TENM2: variants seen among roughly 807,000 people sequenced by gnomAD.
TENM2 encodes the protein teneurin transmembrane protein 2.
A neutral mutation model predicts 245.2 loss-of-function variants in TENM2; 52 were observed. The ratio of observed to expected loss-of-function variants is 0.21; its 90% CI spans 0.17 to 0.27. The LOEUF is 0.27. Among genes scored for constraint, TENM2 ranks in the 10% least tolerant of loss-of-function variants. The pLI, the probability that TENM2 is intolerant of heterozygous loss-of-function variation, is 1.00. For synonymous variants in TENM2, 1,363 were observed against 1,438.9 expected (o/e 0.95, Z 1.19); for missense variants, 3,046 against 3,666.8 (o/e 0.83, Z 4.37).
intron 2 of TENM2, among the ~76,000 whole-genome samples, chr5:167,839,284 C>G (rs187847978): frequency 6.6e-6 from 1 of 152,240 alleles, no homozygotes; most frequent in East Asian, 1.9e-4. Context: ...AATCTTTGCC[C>G]CGAAGGCAAC....
At position 167,891,194 on chromosome 5, in the gene TENM2, C is replaced by T. The variant is rs75135287; in HGVS notation, c.712+14999C>T. 9.8e-3 allele frequency among the ~76,000 whole-genome samples: 1,492 copies of T among 152,304 alleles called. 18 individuals are homozygous for T. The highest frequency in any genetic ancestry group is 0.07 in the East Asian group (360 of 5,176). On this transcript the variant is annotated intron_variant, in intron 3 of 28. Coordinates refer to ENST00000518659, the Ensembl canonical transcript of TENM2. ...GATAGGTACCTCTAACCTCTACTCTCAATGATGTATTTGTTTACCAAGTAC... is the reference window on the plus strand; with the variant it reads ...GATAGGTACCTCTAACCTCTACTCTTAATGATGTATTTGTTTACCAAGTAC...
At chr5:168,035,049 A>G (rs1229866024) in intron 5 of TENM2, among the ~76,000 whole-genome samples, 1 of 152,218 alleles carries the variant, frequency 6.6e-6, no homozygotes, top group Non-Finnish European at 1.5e-5. Flanking sequence ...GTTAACTATA[A>G]AATACAAACC....
intron 3 of TENM2, among the ~76,000 whole-genome samples, chr5:167,897,291 C>CTTT (rs35104265): frequency 6.7e-6 from 1 of 148,992 alleles, no homozygotes; most frequent in Non-Finnish European, 1.5e-5. Context: ...GAACTGGTAC[C>CTTT]TTTTTTTTTT....
intron 2 of TENM2, among the ~76,000 whole-genome samples, chr5:167,431,934 TATATAC>T (rs1265673459): frequency 1.0e-5 from 1 of 95,522 alleles, no homozygotes; most frequent in Non-Finnish European, 2.2e-5. Context: ...TATACATATA[TATATAC>T]ATATATATGT....
intron 2 of TENM2, among the ~76,000 whole-genome samples, chr5:167,549,058 T>G (rs2127618169): frequency 6.6e-6 from 1 of 152,312 alleles, no homozygotes; most frequent in South Asian, 2.1e-4. Flanking sequence ...CTCTTCCTTC[T>G]TTCTAGAAGT....
chr5:167,411,573 AGTGT>A (rs60856762), intron 2 of TENM2, among the ~76,000 whole-genome samples: 6,231 of 145,076 alleles, frequency 0.043, 254 homozygotes, highest in African/African-American at 0.11. Flanking sequence ...TGTAGGTGAG[AGTGT>A]GTGTGTGTGT....
In TENM2 at chr5:167,437,035, C is replaced by T. The variant is rs552818913; in HGVS notation, c.502+61562C>T. ...CCTCACAGAGTCCCTACTGGGGCACCGCCTAGTGCAGCTGTGAGAAGAGGG... is the reference window on the plus strand; with the variant it reads ...CCTCACAGAGTCCCTACTGGGGCACTGCCTAGTGCAGCTGTGAGAAGAGGG... On this transcript the variant is annotated intron_variant, in intron 2 of 28. Coordinates refer to ENST00000518659, the Ensembl canonical transcript of TENM2. 1.4e-4 allele frequency among the ~76,000 whole-genome samples: 22 copies of T among 152,256 alleles called. No homozygotes were observed. In the South Asian group the frequency reaches 3.5e-3, roughly 24 times the overall value.
chr5:167,929,111 A>AAG (rs1370083247), intron 3 of TENM2, among the ~76,000 whole-genome samples: 1 of 142,396 alleles, frequency 7.0e-6, no homozygotes, highest in African/African-American at 2.7e-5. Flanking sequence ...GAAAGAAAGA[A>AAG]AGAAAGAAAG....
intron 2 of TENM2, among the ~76,000 whole-genome samples, chr5:167,554,685 A>G (rs918564194): frequency 2.0e-5 from 3 of 152,200 alleles, no homozygotes; most frequent in Non-Finnish European, 4.4e-5. Context: ...TAAGTTGGCC[A>G]TGGTCACTAA....
At chr5:167,789,353 T>C (rs1206399226) in intron 2 of TENM2, among the ~76,000 whole-genome samples, 1 of 152,192 alleles carries the variant, frequency 6.6e-6, no homozygotes, top group African/African-American at 2.4e-5. Flanking sequence ...CGTAGGTCAG[T>C]GGCTGCTTCA....
chr5:167,614,488 T>A lies in TENM2; in HGVS notation c.502+239015T>A, dbSNP rs150484591. 5.1e-3 allele frequency among the ~76,000 whole-genome samples: 776 copies of A among 152,202 alleles called. 4 individuals are homozygous for A. The highest frequency in any genetic ancestry group is 7.4e-3 in the Non-Finnish European group (504 of 68,000). On this transcript the variant is annotated intron_variant, in intron 2 of 28. Coordinates refer to ENST00000518659, the Ensembl canonical transcript of TENM2. ...CTGTGCCTTGGTTAGTTTCACTACA[T>A]TATTCTGCTACTTTCACTTCTTATA...
intron 13 of TENM2, among the ~76,000 whole-genome samples, chr5:168,173,401 G>T (rs1759033704): frequency 6.6e-6 from 1 of 152,216 alleles, no homozygotes; most frequent in African/African-American, 2.4e-5. Context: ...TGCCACTACT[G>T]GTTGGAGCCA....
chr5:167,629,039 C>G (rs1483255383), intron 2 of TENM2, among the ~76,000 whole-genome samples: 2 of 152,160 alleles, frequency 1.3e-5, no homozygotes, highest in African/African-American at 2.4e-5. Context: ...AGGTACTAAG[C>G]TATATTAACC....
chr5:167,130,026 A>G, the TENM2 span, among the ~76,000 whole-genome samples: 1 of 152,156 alleles, frequency 6.6e-6, no homozygotes, highest in Admixed American at 6.6e-5. Context: ...AAATATGGGA[A>G]TAAAGGGAAA....
chr5:167,195,556 A>T, the TENM2 span, among the ~76,000 whole-genome samples: 1 of 152,070 alleles, frequency 6.6e-6, no homozygotes, highest in Non-Finnish European at 1.5e-5. Context: ...TGTTTCAATA[A>T]ACCTCAAAAG....
At chr5:167,610,223 A>C (rs1011850208) in intron 2 of TENM2, among the ~76,000 whole-genome samples, 3 of 152,090 alleles carry the variant, frequency 2.0e-5, no homozygotes, top group Admixed American at 2.0e-4. Flanking sequence ...TGGAGCTTTC[A>C]TGCCTTCCCC....
At chr5:167,695,460 T>C (rs1470414397) in intron 2 of TENM2, among the ~76,000 whole-genome samples, 1 of 152,196 alleles carries the variant, frequency 6.6e-6, no homozygotes, top group East Asian at 1.9e-4. Context: ...TTAACTCTAG[T>C]TTGTATAAAA....
At chr5:167,815,681 C>A (rs1054601162) in intron 2 of TENM2, among the ~76,000 whole-genome samples, 1 of 152,116 alleles carries the variant, frequency 6.6e-6, no homozygotes. Context: ...ACTGTCCTCC[C>A]TAGCAATAGG....
At chr5:168,004,433 G>A (rs1784641830) in intron 5 of TENM2, among the ~76,000 whole-genome samples, 1 of 152,026 alleles carries the variant, frequency 6.6e-6, no homozygotes, top group Non-Finnish European at 1.5e-5. Context: ...CATGGCTAGT[G>A]GTAGTGGGGA....
Sources: allele counts gnomAD v4.1 joint callset (sites outside exome capture counted in the v4.1 genomes callset), GRCh38; gene constraint gnomAD v4.1.1; transcripts MANE v1.5; gene names NCBI Gene and HGNC (gene_info 2026-07-23, HGNC 2026-07-21).